CLCN5: variants seen among roughly 807,000 people sequenced by gnomAD.
CLCN5 encodes the protein H(+)/Cl(-) exchange transporter 5.
Under a neutral mutation model 54.0 loss-of-function variants are expected in CLCN5, and 17 were observed. That is an observed-to-expected ratio of 0.31 (90% CI 0.22 to 0.47). CLCN5 has a LOEUF of 0.47. Among genes scored for constraint, CLCN5 ranks in the 20% least tolerant of loss-of-function variants. The pLI is 1.00. For synonymous variants in CLCN5, 222 were observed against 233.0 expected, an observed-to-expected ratio of 0.95 and a Z score of 0.43; for missense variants, 448 against 646.7, an observed-to-expected ratio of 0.69 and a Z score of 3.33.
chrX:49,941,634 G>A (rs782149042), intron 3 of CLCN5, among the ~76,000 whole-genome samples: 26 of 110,740 alleles, frequency 2.3e-4, no homozygotes, highest in South Asian at 1.2e-3. Flanking sequence ...TTTCTGCCTC[G>A]TTCTCTAGAC....
chrX:50,072,543 G>A lies in CLCN5; in HGVS notation c.370G>A (p.Ala124Thr). ...TWALIHSVSD[A>T]FSGWLLMLLI... is the part of the protein sequence containing the mutation. ...GGCCTTAATTCACAGTGTGAGTGAT[G>A]CTTTTTCCGGCTGGTTGTTGATGCT... Residue 124 changes from alanine to threonine, a missense_variant, in exon 6 of 15, where the codon GCT becomes ACT. Physicochemically the swap from Ala to Thr is moderately conservative, Grantham distance 58. Coordinates refer to ENST00000376091, the MANE Select transcript of CLCN5 (RefSeq NM_001127898.4). 1 of 1,208,841 alleles carries A rather than the reference G, an allele frequency of 8.3e-7. No homozygotes were observed. Among genetic ancestry groups the A allele is most frequent in the South Asian group, 1.8e-5 (1 of 56,880 alleles).
intron 3 of CLCN5, among the ~76,000 whole-genome samples, chrX:49,946,804 A>C (rs1018094017): frequency 9.2e-6 from 1 of 108,480 alleles, no homozygotes; most frequent in Non-Finnish European, 1.9e-5. Flanking sequence ...CTAATTGAAG[A>C]CTTTCTTTTT....
chrX:50,041,941 ATGAAGTGC>A (rs1465788050), intron 3 of CLCN5, among the ~76,000 whole-genome samples: 1 of 112,491 alleles, frequency 8.9e-6, no homozygotes, highest in Non-Finnish European at 1.9e-5. Flanking sequence ...ATAAAAATTG[ATGAAGTGC>A]TGATACATGC....
rs2147601639 is a variant in CLCN5 at position 50,088,814 on chromosome X, C to G, written c.1674C>G (p.Ser558Arg). 2 of 1,211,516 alleles carry G rather than the reference C, an allele frequency of 1.7e-6. No individual in the cohort carries two copies. Among genetic ancestry groups the G allele is most frequent in the South Asian group, 3.5e-5 (2 of 56,970 alleles). The change falls in exon 12 of 15, where the codon AGC (serine) becomes AGG (arginine). Residue 558 changes from serine to arginine, a missense_variant. Coordinates refer to ENST00000376091, the MANE Select transcript of CLCN5 (RefSeq NM_001127898.4). Reference protein sequence around the residue: ...YYHQEWTVFNSWCSQGADCIT... With the variant: ...YYHQEWTVFNRWCSQGADCIT... ...ACCAGGAATGGACCGTCTTCAATAG[C>G]TGGTGTAGTCAGGGAGCTGATTGCA...
intron 4 of CLCN5, chrX:50,067,795 A>G: frequency 7.5e-6 from 5 of 667,146 alleles, no homozygotes; most frequent in Non-Finnish European, 7.1e-6. Context: ...GGACTGAAGC[A>G]TGCCCCCCGG....
intron 5 of CLCN5, among the ~76,000 whole-genome samples, chrX:50,071,485 A>C (rs782159961): frequency 8.9e-6 from 1 of 112,153 alleles, no homozygotes; most frequent in South Asian, 3.7e-4. Flanking sequence ...TGATATGACA[A>C]GTGCACACTT....
chrX:50,032,486 T>C (rs1190905149), intron 3 of CLCN5, among the ~76,000 whole-genome samples: 31 of 111,540 alleles, frequency 2.8e-4, no homozygotes, highest in Non-Finnish European at 4.7e-4. Flanking sequence ...GTGAGCATTT[T>C]TTCATGTGTT....
At chrX:50,016,809 G>T (rs1460084537) in intron 3 of CLCN5, among the ~76,000 whole-genome samples, 1 of 105,409 alleles carries the variant, frequency 9.5e-6, no homozygotes, top group Admixed American at 1.1e-4. Context: ...TTTCCAGAAT[G>T]TCATATAGTT....
Position 50,093,937 on chromosome X carries a change from GTTC to G in CLCN5, c.*1719_*1721del, listed in dbSNP as rs782088704. The G allele has an allele frequency of 4.5e-5, 5 of 110,820 alleles. No individual in the cohort carries two copies. In the East Asian group the frequency reaches 1.4e-3, roughly 32 times the overall value. The allele number at this position is 110,820 out of a possible 1,213,427, so 9.1% of individuals were successfully genotyped here. On this transcript the variant is annotated 3_prime_UTR_variant, in exon 15 of 15. Transcript: ENST00000376091. ...GTGAGATTTCACTGCCGGGGTAAGAGTTCAGCCTGGATGATTTTATAGCTCTGT... is the reference window on the plus strand; with the variant it reads ...GTGAGATTTCACTGCCGGGGTAAGAGAGCCTGGATGATTTTATAGCTCTGT...
At chrX:50,001,712 G>GGTGT (rs1293495493) in intron 3 of CLCN5, among the ~76,000 whole-genome samples, 1 of 102,686 alleles carries the variant, frequency 9.7e-6, no homozygotes, top group Non-Finnish European at 2.0e-5. Context: ...GAGAACATGT[G>GGTGT]GTGTTTGGTT....
Position 50,088,985 on chromosome X carries a change from C to A in CLCN5, c.1744+101C>A, listed in dbSNP as rs781985358. 3.6e-5 allele frequency: 28 copies of A among 784,319 alleles called. No individual in the cohort carries two copies. The African/African-American group carries it at 5.3e-4, about 15-fold the overall frequency. 64.6% of individuals were successfully genotyped at this position (784,319 alleles called of 1,213,427 possible). A position where few individuals can be genotyped will look rare whatever the true frequency, so the allele number is the denominator to read the frequency against. ...CTGTAGGAGAATTTAAATGCCCATC[C>A]CTTTCCAGTTAGGTTTGCCATTTTC... On this transcript the variant is annotated intron_variant, in intron 12 of 14. Coordinates refer to ENST00000376091, the MANE Select transcript of CLCN5 (RefSeq NM_001127898.4).
At chrX:49,999,980 C>G (rs1440105983) in intron 3 of CLCN5, among the ~76,000 whole-genome samples, 2 of 111,415 alleles carry the variant, frequency 1.8e-5, no homozygotes, top group South Asian at 7.6e-4. Context: ...CTTCCTATAT[C>G]TGCCCTGTCT....
intron 3 of CLCN5, among the ~76,000 whole-genome samples, chrX:49,970,827 A>C (rs1928169041): frequency 9.0e-6 from 1 of 111,512 alleles, no homozygotes; most frequent in African/African-American, 3.3e-5. Flanking sequence ...GTATTTTGAG[A>C]AACTGCCAAA....
chrX:50,092,807 T>G lies in CLCN5; in HGVS notation c.*588T>G, dbSNP rs1181449347. On this transcript the variant is annotated 3_prime_UTR_variant, in exon 15 of 15. Coordinates refer to ENST00000376091, the MANE Select transcript of CLCN5 (RefSeq NM_001127898.4). The stretch of plus-strand genomic sequence containing the variant: ...TGTTATGTGTGTATGTTTATGTTAA[T>G]TTTAATTTCTGATTATAAGACAATG... 8.7e-6 allele frequency: 1 copy of G among 114,495 alleles called. No individual in the cohort carries two copies. Among genetic ancestry groups the G allele is most frequent in the Non-Finnish European group, 1.8e-5 (1 of 54,309 alleles). The allele number at this position is 114,495 out of a possible 1,213,427, so 9.4% of individuals were successfully genotyped here. A position where few individuals can be genotyped will look rare whatever the true frequency, so the allele number is the denominator to read the frequency against.
chrX:50,033,994 A>G (rs896600349), intron 3 of CLCN5, among the ~76,000 whole-genome samples: 16 of 111,561 alleles, frequency 1.4e-4, no homozygotes, highest in African/African-American at 5.2e-4. Context: ...AAGCACTACT[A>G]TTTCCTCCTG....
chrX:50,025,416 G>A (rs956746072), intron 3 of CLCN5, among the ~76,000 whole-genome samples: 12 of 99,695 alleles, frequency 1.2e-4, no homozygotes, highest in Non-Finnish European at 2.2e-4. Context: ...ACCTCAGATG[G>A]AAATGCAGAA....
intron 4 of CLCN5, among the ~76,000 whole-genome samples, chrX:50,059,834 A>G (rs991658258): frequency 1.8e-5 from 2 of 109,219 alleles, no homozygotes; most frequent in African/African-American, 6.7e-5. Context: ...CTTTCATTAA[A>G]AGTCAATAAC....
intron 9 of CLCN5, 128 bp downstream of exon 9, chrX:50,081,975 T>C (rs782654260): frequency 7.9e-5 from 46 of 582,581 alleles, no homozygotes; most frequent in Admixed American, 2.2e-4. Flanking sequence ...ATTCCACTTG[T>C]AGGAATTTAT....
chrX:50,075,062 A>T (rs1254731163), intron 6 of CLCN5, among the ~76,000 whole-genome samples: 1 of 111,964 alleles, frequency 8.9e-6, no homozygotes, highest in Non-Finnish European at 1.9e-5. Flanking sequence ...TGTTCTGTGT[A>T]TAATACTGTT....
Sources: allele counts gnomAD v4.1 joint callset (sites outside exome capture counted in the v4.1 genomes callset), GRCh38; gene constraint gnomAD v4.1.1; transcripts MANE v1.5; gene names NCBI Gene and HGNC (gene_info 2026-07-23, HGNC 2026-07-21).